Variants in CREB3L3 observed in about 807,000 individuals in gnomAD.
CREB3L3 encodes cAMP responsive element binding protein 3 like 3.
Under a neutral mutation model 44.6 loss-of-function variants are expected in CREB3L3, and 40 were observed. The observed-to-expected ratio is 0.90, with a 90% CI of 0.70 to 1.17. The LOEUF (loss-of-function observed/expected upper bound fraction) is 1.17. Among genes scored for constraint, CREB3L3 ranks in the 50% most tolerant of loss-of-function variants. The pLI is 0.00. For missense variants in CREB3L3, 578 were observed against 595.8 expected (o/e 0.97, Z 0.31); for synonymous variants, 273 against 256.3 (o/e 1.06, Z -0.62).
intron 1 of CREB3L3, 46 bp downstream of exon 1, chr19:4,153,820 A>C (rs779379762): frequency 6.2e-7 from 1 of 1,607,666 alleles, no homozygotes; most frequent in South Asian, 1.1e-5. Context: ...CTAGGCTGGG[A>C]AAGCCTACCC....
At chr19:4,166,560 A>T (rs1436142407) in intron 5 of CREB3L3, among the ~76,000 whole-genome samples, 2 of 143,128 alleles carry the variant, frequency 1.4e-5, no homozygotes, top group African/African-American at 2.7e-5. Context: ...CACTGCGCCC[A>T]GCATTTTTTT....
chr19:4,158,610 G>A (rs2041618282), intron 3 of CREB3L3, among the ~76,000 whole-genome samples: 1 of 152,058 alleles, frequency 6.6e-6, no homozygotes, highest in Non-Finnish European at 1.5e-5. Context: ...GACCATCCTG[G>A]CCAACATGGT....
chr19:4,164,401 C>T, intron 4 of CREB3L3, 102 bp from the exon 5 acceptor site: 1 of 1,478,968 alleles, frequency 6.8e-7, no homozygotes, highest in Non-Finnish European at 9.4e-7. Context: ...AGCCACCACA[C>T]CCAGCCTGGG....
intron 5 of CREB3L3, 36 bp downstream of exon 5, chr19:4,164,676 T>G (rs774089099): frequency 1.2e-6 from 2 of 1,612,440 alleles, no homozygotes; most frequent in Non-Finnish European, 1.7e-6. Context: ...TGGATCCATC[T>G]CCCCTTCGTG....
rs780093684 is a variant in CREB3L3, at chr19:4,171,987, C to T, written c.*18C>T. 4.5e-6 allele frequency: 7 copies of T among 1,565,514 alleles called. No homozygotes were observed. The highest frequency in any genetic ancestry group is 6.0e-6 in the Non-Finnish European group (7 of 1,158,792). ...AGCTGTGAGCCCCGCCAGGACTATGCTCCCAGGCCCCTCTGCCCAGGGGTG... is the reference window on the plus strand; with the variant it reads ...AGCTGTGAGCCCCGCCAGGACTATGTTCCCAGGCCCCTCTGCCCAGGGGTG... On this transcript the variant is annotated 3_prime_UTR_variant, in exon 10 of 10. Transcript: ENST00000078445. This position sits in a 1 kb window ranked among gnomAD's most constrained non-coding sequence, Gnocchi z 4.9.
At position 4,168,291 on chromosome 19, in the gene CREB3L3, C is replaced by T. The variant is rs190680347; in HGVS notation, c.715-60C>T. 3.2e-4 allele frequency: 430 copies of T among 1,331,804 alleles called. 6 individuals are homozygous for T. The African/African-American group carries it at 4.5e-3, about 14-fold the overall frequency. The allele number at this position is 1,331,804 out of a possible 1,614,324, so 82.5% of individuals were successfully genotyped here. A position where few individuals can be genotyped will look rare whatever the true frequency, so the allele number is the denominator to read the frequency against. On this transcript the variant is annotated intron_variant, in intron 5 of 9. Transcript: ENST00000078445. Reference sequence around the variant, plus strand: ...TGGGATTACAGGCGAGAGCTACTGCCCCCGGACTCCAAGTGGGGACTTTCT... The same window carrying T: ...TGGGATTACAGGCGAGAGCTACTGCTCCCGGACTCCAAGTGGGGACTTTCT...
At position 4,153,733 on chromosome 19, in the gene CREB3L3, G is replaced by T; in HGVS notation, c.-15G>T. 6.2e-7 allele frequency: 1 copy of T among 1,614,140 alleles called. No homozygotes were observed. The highest frequency in any genetic ancestry group is 8.5e-7 in the Non-Finnish European group (1 of 1,180,022). On this transcript the variant is annotated 5_prime_UTR_variant, in exon 1 of 10. Transcript: ENST00000078445. ...AGACCCCCCGAGGCATCTGCAGACA[G>T]AACTGGATGGACCCATGAATACGGA...
intron 1 of CREB3L3, among the ~76,000 whole-genome samples, chr19:4,154,090 G>A (rs892992919): frequency 2.6e-5 from 4 of 151,814 alleles, no homozygotes; most frequent in African/African-American, 7.2e-5. Context: ...TTTATTTTTT[G>A]AGATGGAGTC....
intron 4 of CREB3L3, among the ~76,000 whole-genome samples, chr19:4,160,523 C>A (rs1042760044): frequency 6.6e-6 from 1 of 150,830 alleles, no homozygotes; most frequent in African/African-American, 2.4e-5. Flanking sequence ...AGGCGTGCAC[C>A]ACCACACCCA....
In CREB3L3 at chr19:4,171,204, G is replaced by A; in HGVS notation, c.975+29G>A. The A allele has an allele frequency of 6.2e-7, 1 of 1,600,134 alleles. No homozygotes were observed. Among genetic ancestry groups the A allele is most frequent in the Non-Finnish European group, 8.6e-7 (1 of 1,167,372 alleles). ...AGTCCTGGTGCCCCCAGGCAAGCCG[G>A]GGACCTAGGCTTCTGTAGAGGGGCC... On this transcript the variant is annotated intron_variant, in intron 8 of 9. Coordinates refer to ENST00000078445, the MANE Select transcript of CREB3L3 (RefSeq NM_032607.3). The surrounding 1 kb of genome is among the most constrained non-coding windows in gnomAD (Gnocchi z 4.9).
Position 4,171,954 on chromosome 19 carries a change from G to A in CREB3L3, c.1371G>A (p.Ala457=), listed in dbSNP as rs182088937. 2.5e-4 allele frequency: 400 copies of A among 1,601,108 alleles called. No homozygotes were observed. The highest frequency in any genetic ancestry group is 3.1e-4 in the Non-Finnish European group (366 of 1,175,396). The change falls in exon 10 of 10, where the codon GCG becomes GCA. Residue 457 remains alanine (A), a synonymous_variant. Transcript: ENST00000078445. The surrounding 1 kb of genome is among the most constrained non-coding windows in gnomAD (Gnocchi z 4.9). ...CAGGACGTGCAGGGCTGGAGGCGGC[G>A]GGAGACGAGCTGTGAGCCCCGCCAG... is the stretch of plus-strand genomic sequence containing the variant. ...TGSGRAGLEA[A]GDEL
intron 5 of CREB3L3, among the ~76,000 whole-genome samples, chr19:4,165,316 C>G (rs72978988): frequency 0.097 from 14,606 of 150,710 alleles, 944 homozygotes; most frequent in East Asian, 0.26. Context: ...GACAGGTGCA[C>G]GCCACTACAC....
intron 3 of CREB3L3, among the ~76,000 whole-genome samples, chr19:4,159,438 ACC>A (rs371983120): frequency 1.8e-5 from 2 of 110,572 alleles, no homozygotes; most frequent in African/African-American, 6.4e-5. Flanking sequence ...GGCGTGAGCC[ACC>A]ATGACTGGCT....
At chr19:4,159,424 T>TTTTAGG (rs2041630032) in intron 3 of CREB3L3, among the ~76,000 whole-genome samples, 2 of 152,212 alleles carry the variant, frequency 1.3e-5, no homozygotes, top group African/African-American at 4.8e-5. Flanking sequence ...GTGCTGGGAA[T>TTTTAGG]ACAGGCGTGA....
chr19:4,156,437 T>G (rs2041578134), intron 2 of CREB3L3, among the ~76,000 whole-genome samples: 1 of 152,010 alleles, frequency 6.6e-6, no homozygotes, highest in South Asian at 2.1e-4. Flanking sequence ...TCTGCCCGCC[T>G]TGGCCTCCCA....
intron 6 of CREB3L3, 75 bp from the exon 7 acceptor site, chr19:4,170,065 C>T (rs1282919026): frequency 1.4e-6 from 2 of 1,389,752 alleles, no homozygotes; most frequent in African/African-American, 1.4e-5. Context: ...TAACGTGAGG[C>T]CTCTGGGGGA....
At chr19:4,165,659 G>A (rs1966889649) in intron 5 of CREB3L3, among the ~76,000 whole-genome samples, 4 of 152,098 alleles carry the variant, frequency 2.6e-5, no homozygotes. Flanking sequence ...TCAGGAGTTC[G>A]AGACTAGCCT....
intron 4 of CREB3L3, 141 bp downstream of exon 4, chr19:4,159,923 C>T (rs2041637486): frequency 1.5e-6 from 1 of 662,346 alleles, no homozygotes; most frequent in African/African-American, 1.8e-5. Context: ...AGAGACCATT[C>T]CAGTCCTGGG....
intron 7 of CREB3L3, among the ~76,000 whole-genome samples, 157 bp from the exon 8 acceptor site, chr19:4,170,934 C>T (rs577455214): frequency 1.6e-4 from 24 of 147,244 alleles, no homozygotes; most frequent in African/African-American, 4.3e-4. Flanking sequence ...AATAAATAAA[C>T]AAATAAATAA....
Sources: allele counts gnomAD v4.1 joint callset (sites outside exome capture counted in the v4.1 genomes callset), GRCh38; gene constraint gnomAD v4.1.1; non-coding constraint Gnocchi (gnomAD v3.1); transcripts MANE v1.5; gene names NCBI Gene and HGNC (gene_info 2026-07-23, HGNC 2026-07-21).